The following ADAMTSL1 variants were observed in gnomAD, a reference collection of about 807,000 sequenced individuals.
ADAMTSL1 encodes the protein ADAMTS like 1.
A neutral mutation model predicts 201.8 loss-of-function variants in ADAMTSL1; 126 were observed. That is an observed-to-expected ratio of 0.62 (90% CI 0.54 to 0.72). The LOEUF (loss-of-function observed/expected upper bound fraction) is 0.72, where lower values mean the gene tolerates loss of function less well. ADAMTSL1 is among the 30% of genes least tolerant of loss of function. The pLI is 0.00. For missense variants in ADAMTSL1, 2,679 were observed against 2,277.8 expected (o/e 1.18, Z -3.59); for synonymous variants, 1,121 against 903.4 (o/e 1.24, Z -4.32).
At chr9:18,570,869 C>T (rs931039499) in intron 3 of ADAMTSL1, among the ~76,000 whole-genome samples, 7 of 152,152 alleles carry the variant, frequency 4.6e-5, no homozygotes, top group Non-Finnish European at 8.8e-5. Flanking sequence ...CTTCTCAGAC[C>T]TATTTCTCTA....
intron 2 of ADAMTSL1, among the ~76,000 whole-genome samples, chr9:18,451,982 C>T (rs1820423841): frequency 6.6e-6 from 1 of 152,250 alleles, no homozygotes; most frequent in Non-Finnish European, 1.5e-5. Context: ...ACAATCTCAG[C>T]TCACCACAAC....
At chr9:18,008,418 G>T (rs537019954) in intron 1 of ADAMTSL1, among the ~76,000 whole-genome samples, 1 of 152,056 alleles carries the variant, frequency 6.6e-6, no homozygotes, top group African/African-American at 2.4e-5. Context: ...CCAAGGCTTT[G>T]AGGCCCTGCG....
intron 3 of ADAMTSL1, among the ~76,000 whole-genome samples, chr9:18,570,956 T>A (rs941793106): frequency 6.6e-6 from 1 of 152,220 alleles, no homozygotes; most frequent in African/African-American, 2.4e-5. Flanking sequence ...AGAACATCTG[T>A]CTGCATGTTG....
intron 2 of ADAMTSL1, among the ~76,000 whole-genome samples, chr9:18,379,663 A>G (rs561531269): frequency 6.6e-6 from 1 of 152,338 alleles, no homozygotes; most frequent in Non-Finnish European, 1.5e-5. Flanking sequence ...GGCTGTCTTT[A>G]AAGTTTGGGA....
intron 23 of ADAMTSL1, among the ~76,000 whole-genome samples, chr9:18,848,292 T>G (rs772447867): frequency 5.9e-5 from 9 of 152,224 alleles, no homozygotes; most frequent in Non-Finnish European, 1.0e-4. Context: ...AAAAAATGAT[T>G]CTCAGGGATT....
At chr9:18,719,600 G>A (rs1052919818) in intron 14 of ADAMTSL1, among the ~76,000 whole-genome samples, 1 of 152,178 alleles carries the variant, frequency 6.6e-6, no homozygotes, top group African/African-American at 2.4e-5. Context: ...CTGACTTCAG[G>A]TCATCCGTCC....
chr9:18,280,311 C>A (rs1281522116), intron 2 of ADAMTSL1, among the ~76,000 whole-genome samples: 4 of 151,820 alleles, frequency 2.6e-5, no homozygotes, highest in African/African-American at 9.7e-5. Flanking sequence ...TGATGCTGAC[C>A]TGGAACCTAG....
At chr9:18,134,381 T>G (rs1826071211) in intron 1 of ADAMTSL1, among the ~76,000 whole-genome samples, 1 of 152,168 alleles carries the variant, frequency 6.6e-6, no homozygotes, top group Admixed American at 6.6e-5. Context: ...AGCATAGCCA[T>G]TATCTAATTT....
chr9:18,890,758 G>T (rs116951998), intron 25 of ADAMTSL1: 10 of 344,088 alleles, frequency 2.9e-5, no homozygotes, highest in Non-Finnish European at 5.7e-5. Context: ...TTGCTGAAAC[G>T]TATATTTGGA....
chr9:18,415,466 C>A (rs2133334518), intron 2 of ADAMTSL1, among the ~76,000 whole-genome samples: 1 of 152,042 alleles, frequency 6.6e-6, no homozygotes, highest in South Asian at 2.1e-4. Context: ...AAATAATAGT[C>A]AACTAAAAGA....
rs866478002 is a variant in ADAMTSL1 at position 18,052,615 on chromosome 9, C to T, written c.88-111247C>T. ...CAGTAGCCTCAGTTGAAATGTGAGG[C>T]CAATAGTACCCCCTAACAGTGTTGT... On this transcript the variant is annotated intron_variant, in intron 1 of 29. Transcript: ENST00000680146. Among the ~76,000 whole-genome samples, 130 of 152,224 alleles carry T rather than the reference C, an allele frequency of 8.5e-4. 1 individual carries two copies. Among genetic ancestry groups the T allele is most frequent in the African/African-American group, 2.9e-3 (121 of 41,540 alleles).
intron 20 of ADAMTSL1, among the ~76,000 whole-genome samples, chr9:18,812,968 T>A (rs1354571602): frequency 2.6e-5 from 1 of 38,668 alleles, no homozygotes; most frequent in Non-Finnish European, 5.1e-5. Context: ...AGCTATGTAC[T>A]TTTTTTTTTT....
In ADAMTSL1 at chr9:18,823,931, A is replaced by G. The variant is rs763867539; in HGVS notation, c.3935-2353A>G. 2.8e-4 allele frequency among the ~76,000 whole-genome samples: 42 copies of G among 152,112 alleles called. 1 individual carries two copies. The highest frequency in any genetic ancestry group is 5.6e-4 in the Non-Finnish European group (38 of 68,020). On this transcript the variant is annotated intron_variant, in intron 21 of 28. Coordinates refer to ENST00000380548, the MANE Select transcript of ADAMTSL1 (RefSeq NM_001040272.6). ...CTGGAACCCAGGAGGCAGAGGCTGCAGTGAGCCGAGATCATGCCACTGCAC... is the reference window on the plus strand; with the variant it reads ...CTGGAACCCAGGAGGCAGAGGCTGCGGTGAGCCGAGATCATGCCACTGCAC...
chr9:18,336,310 T>C (rs1384854725), intron 2 of ADAMTSL1, among the ~76,000 whole-genome samples: 1 of 133,926 alleles, frequency 7.5e-6, no homozygotes, highest in South Asian at 2.4e-4. Context: ...TGTAATTTCA[T>C]TTTTTTTTTT....
At chr9:18,548,146 C>T (rs1003346772) in intron 3 of ADAMTSL1, among the ~76,000 whole-genome samples, 1 of 151,896 alleles carries the variant, frequency 6.6e-6, no homozygotes, top group African/African-American at 2.4e-5. Context: ...TGTAACCCCC[C>T]AAATCAACAC....
At chr9:18,889,178 A>T (rs576619768) in intron 24 of ADAMTSL1, among the ~76,000 whole-genome samples, 12 of 152,236 alleles carry the variant, frequency 7.9e-5, no homozygotes, top group Non-Finnish European at 1.8e-4. Context: ...TCTTTGTAGA[A>T]AACAAAGTCA....
intron 19 of ADAMTSL1, among the ~76,000 whole-genome samples, chr9:18,782,208 G>A (rs1314777982): frequency 6.6e-6 from 1 of 152,196 alleles, no homozygotes; most frequent in Non-Finnish European, 1.5e-5. Flanking sequence ...GGGAGCCAGA[G>A]GAGTAAATGC....
intron 1 of ADAMTSL1, among the ~76,000 whole-genome samples, chr9:17,927,361 TAC>T (rs1826585004): frequency 6.6e-6 from 1 of 152,168 alleles, no homozygotes; most frequent in Non-Finnish European, 1.5e-5. Flanking sequence ...TGTACATATA[TAC>T]ATATGTGCAT....
At chr9:18,722,521 C>G (rs763226555) in intron 15 of ADAMTSL1, among the ~76,000 whole-genome samples, 1 of 152,174 alleles carries the variant, frequency 6.6e-6, no homozygotes, top group East Asian at 1.9e-4. Context: ...GTATTGCTGT[C>G]AGGCATTAAC....
Sources: allele counts gnomAD v4.1 joint callset (sites outside exome capture counted in the v4.1 genomes callset), GRCh38; gene constraint gnomAD v4.1.1; transcripts MANE v1.5; gene names NCBI Gene and HGNC (gene_info 2026-07-23, HGNC 2026-07-21).